MYH7: variants seen among roughly 807,000 people sequenced by gnomAD.
MYH7 encodes the protein myosin heavy chain 7, also known as myosin-7.
A neutral mutation model predicts 225.4 loss-of-function variants in MYH7; 129 were observed. The ratio of observed to expected loss-of-function variants is 0.57; its 90% confidence interval spans 0.50 to 0.66. MYH7 has a LOEUF of 0.66. Among genes scored for constraint, MYH7 ranks in the 30% least tolerant of loss-of-function variants. The probability of loss-of-function intolerance (pLI) is 0.00; values close to 1 mark genes in which losing one functional copy is unlikely to be tolerated. For synonymous variants in MYH7, 971 were observed against 1,007.6 expected, an observed-to-expected ratio of 0.96 and a Z score of 0.69; for missense variants, 1,649 against 2,517.0, an observed-to-expected ratio of 0.66 and a Z score of 7.38.
Position 23,427,774 on chromosome 14 carries a change from G to A in MYH7, c.1699C>T (p.Arg567Cys), listed in dbSNP as rs771771163. ...GCTTCAGGCTTCCCCTTGATATTGC[G>A]TGGCTTCTGGAAGTTGGCGGATTTG... ...LGKSANFQKPRNIKGKPEAHF... is the reference protein window; with the variant it reads ...LGKSANFQKPCNIKGKPEAHF... The change falls in exon 16 of 40, where the codon CGC (arginine) becomes TGC (cysteine). Residue 567 changes from arginine to cysteine, a missense_variant. Physicochemically the swap from Arg to Cys is radical, Grantham distance 180 (BLOSUM62 -3). Around this residue, in one of 12 missense-constraint regions of MYH7, gnomAD observed 112 missense variants for 161.9 expected, o/e 0.69. Coordinates refer to ENST00000355349, the MANE Select transcript of MYH7 (RefSeq NM_000257.4). 5.6e-6 allele frequency: 9 copies of A among 1,614,042 alleles called. No homozygotes were observed. The highest frequency in any genetic ancestry group is 1.3e-5 in the African/African-American group (1 of 74,904).
At chr14:23,431,993 T>C (rs1160205843) in intron 6 of MYH7, 124 bp from the exon 7 acceptor site, 2 of 974,556 alleles carry the variant, frequency 2.1e-6, no homozygotes, top group Non-Finnish European at 3.2e-6. Flanking sequence ...TGCCAGGTTA[T>C]CTACACCCAA....
Position 23,419,648 on chromosome 14 carries a change from G to T in MYH7, c.3727-39C>A, listed in dbSNP as rs1460106248. On this transcript the variant is annotated intron_variant, in intron 27 of 39. Transcript: ENST00000355349. ...GAGAGTTATATGATGGATGTTGGGG[G>T]CGGGGGGAATGAAGGGGTGTAAGAG... The T allele has an allele frequency of 3.1e-6, 5 of 1,613,958 alleles. No individual in the cohort carries two copies. The Admixed American group carries it at 8.3e-5, about 27-fold the overall frequency.
chr14:23,428,484 A>G lies in MYH7; in HGVS notation c.1578+16T>C. 1.9e-6 allele frequency: 3 copies of G among 1,614,154 alleles called. No homozygotes were observed. In the East Asian group the frequency reaches 6.7e-5, roughly 36 times the overall value. On this transcript the variant is annotated intron_variant, in intron 15 of 39. Coordinates refer to ENST00000355349, the MANE Select transcript of MYH7 (RefSeq NM_000257.4). ...GGTGTGCAGGGAGAATTCAGGTGGT[A>G]AGGCCAAAGAGGCACCTTCTCGATG...
rs775483541 is a variant in MYH7 at position 23,417,008 on chromosome 14, G to A, written c.4520-16C>T. Reference sequence around the variant, plus strand: ...GAGATCTCCTCTGTGTGGGGAACACGGTAACTCGGTTGAGGGCTGCTGAGG... The same window carrying A: ...GAGATCTCCTCTGTGTGGGGAACACAGTAACTCGGTTGAGGGCTGCTGAGG... On this transcript the variant is annotated splice_polypyrimidine_tract_variant and intron_variant, in intron 32 of 39. Coordinates refer to ENST00000355349, the MANE Select transcript of MYH7 (RefSeq NM_000257.4). The A allele has an allele frequency of 6.2e-6, 10 of 1,614,086 alleles. No individual in the cohort carries two copies. Among genetic ancestry groups the A allele is most frequent in the Admixed American group, 3.3e-5 (2 of 60,000 alleles).
At position 23,425,739 on chromosome 14, in the gene MYH7, A is replaced by T; in HGVS notation, c.2242T>A (p.Ser748Thr). The change falls in exon 20 of 40, where the codon TCC (serine) becomes ACC (threonine). Residue 748 changes from serine to threonine, a missense_variant. Transcript: ENST00000355349. This position sits in a 1 kb window ranked among gnomAD's most constrained non-coding sequence, Gnocchi z 4.6. ...TACTGGTTGTGATCAATGTCCAGGG[A>T]GCTGAGCAGCTTCTCTGCCCCCTTC... ...SRKGAEKLLS[S>T]LDIDHNQYKF... is the part of the protein sequence containing the mutation. The T allele has an allele frequency of 6.2e-7, 1 of 1,614,010 alleles. No individual in the cohort carries two copies. The highest frequency in any genetic ancestry group is 8.5e-7 in the Non-Finnish European group (1 of 1,179,860).
rs1234646629 is a variant in MYH7, at chr14:23,425,015, C to A, written c.2433G>T (p.Leu811=). The change falls in exon 22 of 40, where the codon CTG becomes CTT. Residue 811 remains leucine (L), a synonymous_variant. Coordinates refer to ENST00000355349, the MANE Select transcript of MYH7 (RefSeq NM_000257.4). This position sits in a 1 kb window ranked among gnomAD's most constrained non-coding sequence, Gnocchi z 4.6. Reference sequence around the variant, plus strand: ...CCCGAATGTTCCACTGGATTACCAGCAGGGAGTCTCTGCAGGGGCCCATTG... The same window carrying A: ...CCCGAATGTTCCACTGGATTACCAGAAGGGAGTCTCTGCAGGGGCCCATTG... The part of the protein sequence containing the change: ...YKKLLERRDS[L]LVIQWNIRAF... 1 of 1,614,092 alleles carries A rather than the reference C, an allele frequency of 6.2e-7. No individual in the cohort carries two copies. Among genetic ancestry groups the A allele is most frequent in the Non-Finnish European group, 8.5e-7 (1 of 1,180,044 alleles).
Position 23,427,774 on chromosome 14 carries a change from G to T in MYH7, c.1699C>A (p.Arg567Ser). The T allele has an allele frequency of 6.2e-7, 1 of 1,614,160 alleles. No individual in the cohort carries two copies. Among genetic ancestry groups the T allele is most frequent in the Non-Finnish European group, 8.5e-7 (1 of 1,180,030 alleles). ...LGKSANFQKPRNIKGKPEAHF... is the reference protein window; with the variant it reads ...LGKSANFQKPSNIKGKPEAHF... ...GCTTCAGGCTTCCCCTTGATATTGC[G>T]TGGCTTCTGGAAGTTGGCGGATTTG... Residue 567 changes from arginine (R) to serine (S), a missense_variant, in exon 16 of 40, where the codon CGC becomes AGC. Around this residue, in one of 12 missense-constraint regions of MYH7, gnomAD observed 112 missense variants for 161.9 expected, o/e 0.69. Transcript: ENST00000355349.
At chr14:23,423,309 C>T (rs751325936) in intron 24 of MYH7, among the ~76,000 whole-genome samples, 8 of 152,014 alleles carry the variant, frequency 5.3e-5, no homozygotes, top group Non-Finnish European at 1.0e-4. Context: ...TTGATCATAC[C>T]AGTGAGATTA....
intron 32 of MYH7, 58 bp downstream of exon 32, chr14:23,417,082 GCCCTTGGGTGGCA>G: frequency 5.0e-6 from 8 of 1,613,954 alleles, no homozygotes; most frequent in Non-Finnish European, 6.8e-6. Flanking sequence ...GCCTCTTGGA[GCCCTTGGGTGGCA>G]CCATATGGGA....
At chr14:23,426,652 G>A (rs1421939976) in intron 18 of MYH7, 125 bp downstream of exon 18, 15 of 875,624 alleles carry the variant, frequency 1.7e-5, no homozygotes, top group Non-Finnish European at 2.5e-5. Flanking sequence ...GGCCTCATGC[G>A]GGATGGGAGG....
At chr14:23,413,054 G>T (rs1892038607) in intron 39 of MYH7, among the ~76,000 whole-genome samples, 183 bp from the exon 40 acceptor site, 1 of 152,192 alleles carries the variant, frequency 6.6e-6, no homozygotes, top group Admixed American at 6.5e-5. Flanking sequence ...AGTTCTGGAG[G>T]GTAGGGTTCT....
At chr14:23,412,955 G>T in intron 39 of MYH7, 84 bp from the exon 40 acceptor site, 1 of 1,404,142 alleles carries the variant, frequency 7.1e-7, no homozygotes, top group Non-Finnish European at 1.0e-6. Context: ...GGTGAGAGGG[G>T]TCTGATGGTG....
At chr14:23,431,082 A>G (rs900638300) in intron 9 of MYH7, 83 bp from the exon 10 acceptor site, 23 of 1,038,104 alleles carry the variant, frequency 2.2e-5, no homozygotes, top group Non-Finnish European at 1.2e-5. Context: ...TGTAGCAAGC[A>G]AAAGGCAGAG....
chr14:23,427,762 C>A lies in MYH7; in HGVS notation c.1711G>T (p.Gly571Trp). Residue 571 changes from glycine (G) to tryptophan (W), a missense_variant, in exon 16 of 40, where the codon GGG becomes TGG. Physicochemically the swap from Gly to Trp is radical, Grantham distance 184. This residue lies in a region of MYH7 where 112 missense variants were observed against 161.9 expected (regional missense o/e 0.69). Transcript: ENST00000355349. ...ANFQKPRNIK[G>W]KPEAHFSLIH... ...AGGGAGAAGTGGGCTTCAGGCTTCC[C>A]CTTGATATTGCGTGGCTTCTGGAAG... The A allele has an allele frequency of 6.2e-7, 1 of 1,614,146 alleles. No homozygotes were observed. The highest frequency in any genetic ancestry group is 2.2e-5 in the East Asian group (1 of 44,880).
chr14:23,431,568 G>T lies in MYH7; in HGVS notation c.732+17C>A, dbSNP rs772997514. 1 of 1,614,250 alleles carries T rather than the reference G, an allele frequency of 6.2e-7. No homozygotes were observed. Among genetic ancestry groups the T allele is most frequent in the Admixed American group, 1.7e-5 (1 of 60,036 alleles). ...CCACCAGTCCAAGTCCCAAGGCCAAGGTCAGGGACCACTCACGAAGCGGGA... is the reference window on the plus strand; with the variant it reads ...CCACCAGTCCAAGTCCCAAGGCCAATGTCAGGGACCACTCACGAAGCGGGA... On this transcript the variant is annotated intron_variant, in intron 8 of 39. Transcript: ENST00000355349.
intron 11 of MYH7, 82 bp from the exon 12 acceptor site, chr14:23,429,995 A>T: frequency 1.3e-6 from 2 of 1,539,638 alleles, no homozygotes; most frequent in Non-Finnish European, 1.8e-6. Context: ...TGGAGAGAAA[A>T]CTTGTCTCCT....
At position 23,433,417 on chromosome 14, in the gene MYH7, A is replaced by G. The variant is rs568480625; in HGVS notation, c.201+115T>C. 1.5e-4 allele frequency: 217 copies of G among 1,443,170 alleles called. 1 individual carries two copies. Among genetic ancestry groups the G allele is most frequent in the Middle Eastern group, 4.5e-4 (2 of 4,450 alleles). The allele number at this position is 1,443,170 out of a possible 1,614,324, so 89.4% of individuals were successfully genotyped here. ...GGGTCTGGATTCTTCCCCAAAGGGAAGGAGAATGGGACCATCCTCAGGTCT... is the reference window on the plus strand; with the variant it reads ...GGGTCTGGATTCTTCCCCAAAGGGAGGGAGAATGGGACCATCCTCAGGTCT... On this transcript the variant is annotated intron_variant, in intron 3 of 39. Coordinates refer to ENST00000355349, the MANE Select transcript of MYH7 (RefSeq NM_000257.4). This position sits in a 1 kb window ranked among gnomAD's most constrained non-coding sequence, Gnocchi z 4.1.
Position 23,416,134 on chromosome 14 carries a change from C to A in MYH7, c.4823G>T (p.Arg1608Leu), listed in dbSNP as rs587779391. The A allele has an allele frequency of 1.2e-6, 2 of 1,614,186 alleles. No homozygotes were observed. Among genetic ancestry groups the A allele is most frequent in the Non-Finnish European group, 1.7e-6 (2 of 1,180,042 alleles). Residue 1608 changes from arginine to leucine, a missense_variant, in exon 34 of 40, where the codon CGC becomes CTC. This residue lies in a region of MYH7 where 687 missense variants were observed against 913.8 expected (regional missense o/e 0.75). Coordinates refer to ENST00000355349, the MANE Select transcript of MYH7 (RefSeq NM_000257.4). ...CTTCTTCACCCTCAGGGCCTCGTTG[C>A]GGCTGCGTGTCTCTGCGTCCAGGGA... ...QTSLDAETRSRNEALRVKKKM... is the reference protein window; with the variant it reads ...QTSLDAETRSLNEALRVKKKM...
chr14:23,426,067 G>T lies in MYH7; in HGVS notation c.2059C>A (p.Pro687Thr), dbSNP rs765634033. The T allele has an allele frequency of 6.2e-7, 1 of 1,614,184 alleles. No individual in the cohort carries two copies. Among genetic ancestry groups the T allele is most frequent in the East Asian group, 2.2e-5 (1 of 44,886 alleles). The change falls in exon 19 of 40, where the codon CCC becomes ACC. Residue 687 changes from proline (P) to threonine (T), a missense_variant. By Grantham distance (38) the Pro-to-Thr change is conservative (BLOSUM62 -1). Transcript: ENST00000355349. ...CAGCGCAGCTGGTGCATGACCAGGG[G>T]GTTGTCCATCACCCCTGTGGCAAGA... ...ETKSPGVMDNPLVMHQLRCNG... is the reference protein window; with the variant it reads ...ETKSPGVMDNTLVMHQLRCNG...
Sources: gnomAD v4.1 joint callset for allele counts (sites outside exome capture counted in the v4.1 genomes callset) on GRCh38, gnomAD v4.1.1 for gene constraint, gnomAD v4.1.1 regional missense constraint, Gnocchi (gnomAD v3.1) non-coding constraint, MANE v1.5 for transcripts, NCBI Gene and HGNC (gene_info 2026-07-23, HGNC 2026-07-21) for gene names.